Variants in EVC2 observed in about 807,000 individuals in gnomAD.
The protein encoded by EVC2 is limbin.
EVC2 carries 148 observed loss-of-function variants against 149.3 expected under a neutral mutation model. The ratio of observed to expected loss-of-function variants is 0.99; its 90% confidence interval spans 0.87 to 1.14. EVC2 has a LOEUF of 1.14. EVC2 is among the 50% of genes most tolerant of loss of function. EVC2 has a pLI of 0.00. For synonymous variants in EVC2, 776 were observed against 649.9 expected, an observed-to-expected ratio of 1.19 and a Z score of -2.95; for missense variants, 1,854 against 1,627.3, an observed-to-expected ratio of 1.14 and a Z score of -2.40.
chr4:5,580,325 G>C (rs868335572), intron 17 of EVC2, among the ~76,000 whole-genome samples: 1 of 152,082 alleles, frequency 6.6e-6, no homozygotes, highest in Non-Finnish European at 1.5e-5. Flanking sequence ...TTAAGAATAC[G>C]GCATCATCTG....
chr4:5,681,934 T>G (rs1720373321), intron 6 of EVC2, among the ~76,000 whole-genome samples: 2 of 151,936 alleles, frequency 1.3e-5, no homozygotes, highest in Non-Finnish European at 2.9e-5. Context: ...TATAGGGTGG[T>G]GGTTAGGGCC....
chr4:5,558,384 C>T (rs372023016), downstream of EVC2, among the ~76,000 whole-genome samples: 2 of 152,076 alleles, frequency 1.3e-5, no homozygotes, highest in East Asian at 1.9e-4. Flanking sequence ...AAAGATTGAA[C>T]GTGTGGAGCA....
chr4:5,568,462 G>T lies in EVC2; in HGVS notation c.3539C>A (p.Ala1180Asp). 6.4e-7 allele frequency: 1 copy of T among 1,566,648 alleles called. No homozygotes were observed. Among genetic ancestry groups the T allele is most frequent in the Non-Finnish European group, 8.6e-7 (1 of 1,163,368 alleles). The change falls in exon 20 of 22, where the codon GCC becomes GAC. Residue 1180 changes from alanine to aspartate, a missense_variant. Transcript: ENST00000344408. ...CACTCACCTCCGCCTGCCCACGTCGGCCTGCTCCGCTCCGCCATCGCTCTC... is the reference window on the plus strand; with the variant it reads ...CACTCACCTCCGCCTGCCCACGTCGTCCTGCTCCGCTCCGCCATCGCTCTC... ...AAESDGGAEQ[A>D]DVGRRRKHQS... is the part of the protein sequence containing the mutation.
At chr4:5,597,498 C>T (rs1335462914) in intron 16 of EVC2, among the ~76,000 whole-genome samples, 1 of 150,664 alleles carries the variant, frequency 6.6e-6, no homozygotes, top group African/African-American at 2.4e-5. Context: ...GCAGAAAAGG[C>T]CTTTGACAAA....
intron 9 of EVC2, among the ~76,000 whole-genome samples, chr4:5,651,771 C>G (rs567875929): frequency 3.9e-5 from 6 of 152,356 alleles, no homozygotes; most frequent in African/African-American, 1.2e-4. Context: ...GTGCACCCAC[C>G]ACAATGGGGA....
rs192446286 is a variant in EVC2 at position 5,688,296 on chromosome 4, G to C, written c.706+861C>G. Among the ~76,000 whole-genome samples the C allele has an allele frequency of 1.6e-4, 24 of 152,230 alleles. No individual in the cohort carries two copies. In the East Asian group the frequency reaches 4.6e-3, roughly 29 times the overall value. On this transcript the variant is annotated intron_variant, in intron 5 of 21. Coordinates refer to ENST00000344408, the MANE Select transcript of EVC2 (RefSeq NM_147127.5). ...GAGCGATGTGTGCCGTGAGTACGGA[G>C]GCATGGAGTCGGTAAGAGTTCCAGG...
chr4:5,615,377 C>T (rs745794354), intron 16 of EVC2, 45 bp downstream of exon 16: 37 of 1,613,498 alleles, frequency 2.3e-5, no homozygotes, highest in African/African-American at 4.0e-5. Flanking sequence ...AGAGCAGCCC[C>T]GCCATGTGCA....
At chr4:5,645,179 A>G (rs1301807354) in intron 9 of EVC2, among the ~76,000 whole-genome samples, 1 of 151,966 alleles carries the variant, frequency 6.6e-6, no homozygotes, top group Non-Finnish European at 1.5e-5. Flanking sequence ...CATAGGTTCA[A>G]GTGGTGCCAA....
At position 5,633,339 on chromosome 4, in the gene EVC2, G is replaced by A. The variant is rs987279170; in HGVS notation, c.1471-1307C>T. Among the ~76,000 whole-genome samples the A allele has an allele frequency of 2.0e-5, 3 of 152,246 alleles. No individual in the cohort carries two copies. The highest frequency in any genetic ancestry group is 4.8e-5 in the African/African-American group (2 of 41,470). On this transcript the variant is annotated intron_variant, in intron 10 of 21. Coordinates refer to ENST00000344408, the MANE Select transcript of EVC2 (RefSeq NM_147127.5). The surrounding 1 kb of genome is among the most constrained non-coding windows in gnomAD (Gnocchi z 4.4). ...CCTGAGCATAGGTCACAGTGAAGCT[G>A]TGCCCAGACTCCTGACCATGGACAC...
At chr4:5,655,646 G>C (rs565120406) in intron 9 of EVC2, among the ~76,000 whole-genome samples, 3 of 151,876 alleles carry the variant, frequency 2.0e-5, no homozygotes, top group Non-Finnish European at 4.4e-5. Context: ...GACACAACTC[G>C]CGCATCACAG....
downstream of EVC2, among the ~76,000 whole-genome samples, chr4:5,558,111 C>A (rs1359223143): frequency 6.6e-6 from 1 of 152,092 alleles, no homozygotes; most frequent in African/African-American, 2.4e-5. Flanking sequence ...AGAGTCAACA[C>A]AGTACTAAAG....
rs375544884 is a variant in EVC2 at position 5,603,836 on chromosome 4, T to A, written c.2829+11586A>T. 3.3e-5 allele frequency among the ~76,000 whole-genome samples: 5 copies of A among 152,326 alleles called. 1 individual carries two copies. The South Asian group carries it at 6.2e-4, about 19-fold the overall frequency. On this transcript the variant is annotated intron_variant, in intron 16 of 21. Transcript: ENST00000344408. ...ATGGTTATGTCATTTTCATTTATAATTAAGTGTTCCTAAAGACTATTTGTG... is the reference window on the plus strand; with the variant it reads ...ATGGTTATGTCATTTTCATTTATAAATAAGTGTTCCTAAAGACTATTTGTG...
intron 16 of EVC2, among the ~76,000 whole-genome samples, chr4:5,599,833 A>G (rs1713829055): frequency 6.6e-6 from 1 of 152,206 alleles, no homozygotes; most frequent in Non-Finnish European, 1.5e-5. Context: ...AGGTAAAAAG[A>G]TGGGAAATGT....
chr4:5,679,704 G>T lies in EVC2; in HGVS notation c.870+1556C>A, dbSNP rs1350399270. Among the ~76,000 whole-genome samples, 1 of 152,068 alleles carries T rather than the reference G, an allele frequency of 6.6e-6. No individual in the cohort carries two copies. The highest frequency in any genetic ancestry group is 2.4e-5 in the African/African-American group (1 of 41,396). ...ACATAGGTATACATGTGTCATGGTG[G>T]TTTGCTGCACCTATCAACCTGTCAT... On this transcript the variant is annotated intron_variant, in intron 7 of 21. Coordinates refer to ENST00000344408, the MANE Select transcript of EVC2 (RefSeq NM_147127.5). The surrounding 1 kb of genome is among the most constrained non-coding windows in gnomAD (Gnocchi z 5.1).
chr4:5,697,724 A>C, intron 1 of EVC2, 77 bp from the exon 2 acceptor site: 1 of 1,349,758 alleles, frequency 7.4e-7, no homozygotes, highest in Non-Finnish European at 1.1e-6. Context: ...TTTGTAAATG[A>C]CTCACATGGA....
At chr4:5,619,450 C>G (rs970896635) in intron 14 of EVC2, among the ~76,000 whole-genome samples, 1 of 152,058 alleles carries the variant, frequency 6.6e-6, no homozygotes, top group African/African-American at 2.4e-5. Context: ...CCAATGAATG[C>G]CAAGGATTGC....
chr4:5,534,496 G>A, the EVC2 span, among the ~76,000 whole-genome samples: 2 of 152,126 alleles, frequency 1.3e-5, no homozygotes, highest in African/African-American at 4.8e-5. Context: ...TCACAGCAGC[G>A]GGAACTAAAG....
chr4:5,632,082 C>T, intron 10 of EVC2, 50 bp from the exon 11 acceptor site: 1 of 1,609,358 alleles, frequency 6.2e-7, no homozygotes, highest in South Asian at 1.1e-5. Context: ...TGAACATGCA[C>T]CTACATGTGC....
At chr4:5,539,464 C>G (rs1033972741), downstream of EVC2, among the ~76,000 whole-genome samples, 5 of 151,986 alleles carry the variant, frequency 3.3e-5, no homozygotes, top group Admixed American at 2.0e-4. Flanking sequence ...TGCAATGGAC[C>G]TATGATAGCC....
Sources: allele counts gnomAD v4.1 joint callset (sites outside exome capture counted in the v4.1 genomes callset), GRCh38; gene constraint gnomAD v4.1.1; non-coding constraint Gnocchi (gnomAD v3.1); transcripts MANE v1.5; gene names NCBI Gene and HGNC (gene_info 2026-07-23, HGNC 2026-07-21).